Variants in CLSTN2 observed in about 807,000 individuals in gnomAD.
CLSTN2 encodes calsyntenin-2.
Under a neutral mutation model 101.2 loss-of-function variants are expected in CLSTN2, and 48 were observed. That is an observed-to-expected ratio of 0.47 (90% CI 0.38 to 0.60). The LOEUF (loss-of-function observed/expected upper bound fraction) is 0.60, where lower values mean the gene tolerates loss of function less well. CLSTN2 is among the 20% of genes least tolerant of loss of function. CLSTN2 has a pLI of 0.00. For synonymous variants in CLSTN2, 481 were observed against 463.6 expected (o/e 1.04, Z -0.48); for missense variants, 1,160 against 1,238.2 (o/e 0.94, Z 0.95).
intron 8 of CLSTN2, among the ~76,000 whole-genome samples, chr3:140,501,922 G>A (rs1247564177): frequency 6.6e-6 from 1 of 152,160 alleles, no homozygotes; most frequent in Non-Finnish European, 1.5e-5. Flanking sequence ...CTGGTTCATG[G>A]CCCACAGTTC....
chr3:139,970,238 T>C (rs1935671833), intron 1 of CLSTN2, among the ~76,000 whole-genome samples: 1 of 152,046 alleles, frequency 6.6e-6, no homozygotes, highest in African/African-American at 2.4e-5. Flanking sequence ...CCTGAGTAAG[T>C]AGGTTAAAAC....
At chr3:140,040,613 T>C (rs16849742) in intron 1 of CLSTN2, among the ~76,000 whole-genome samples, 10,692 of 151,980 alleles carry the variant, frequency 0.07, 433 homozygotes, top group East Asian at 0.16. Context: ...CTGCCCGGGG[T>C]CTGAATATTT....
chr3:140,066,439 C>T (rs2107775009), intron 1 of CLSTN2, among the ~76,000 whole-genome samples: 1 of 152,350 alleles, frequency 6.6e-6, no homozygotes, highest in African/African-American at 2.4e-5. Context: ...TAGCCAATGA[C>T]CCTGTGAAAG....
At chr3:140,449,131 C>A (rs1933175143) in intron 6 of CLSTN2, among the ~76,000 whole-genome samples, 1 of 152,196 alleles carries the variant, frequency 6.6e-6, no homozygotes, top group Admixed American at 6.5e-5. Flanking sequence ...TTGGTCTCCT[C>A]CCCAAAGCGC....
intron 2 of CLSTN2, among the ~76,000 whole-genome samples, chr3:140,261,144 C>G (rs1433338526): frequency 6.6e-6 from 1 of 151,306 alleles, no homozygotes; most frequent in Non-Finnish European, 1.5e-5. Context: ...TATACATAAC[C>G]CACACCTTCT....
intron 2 of CLSTN2, among the ~76,000 whole-genome samples, chr3:140,247,755 C>T (rs958335712): frequency 6.6e-6 from 1 of 152,130 alleles, no homozygotes; most frequent in African/African-American, 2.4e-5. Context: ...CTCACAGTCC[C>T]TCCTAGAGAA....
intron 9 of CLSTN2, among the ~76,000 whole-genome samples, chr3:140,537,601 C>T (rs773060378): frequency 9.9e-5 from 15 of 152,174 alleles, no homozygotes; most frequent in Non-Finnish European, 2.1e-4. Flanking sequence ...GAGGCAGACC[C>T]TCTCCCATGG....
At chr3:140,340,759 G>T (rs943913296) in intron 2 of CLSTN2, among the ~76,000 whole-genome samples, 26 of 152,246 alleles carry the variant, frequency 1.7e-4, no homozygotes, top group African/African-American at 6.3e-4. Context: ...TTCTGATCCA[G>T]GGCCTCATTC....
At chr3:140,103,660 T>G (rs2009004898) in intron 1 of CLSTN2, among the ~76,000 whole-genome samples, 1 of 152,210 alleles carries the variant, frequency 6.6e-6, no homozygotes, top group African/African-American at 2.4e-5. Context: ...CAGCCATGTC[T>G]AGACTGTCAA....
At chr3:140,482,515 T>C (rs1328517509) in intron 8 of CLSTN2, among the ~76,000 whole-genome samples, 9 of 152,228 alleles carry the variant, frequency 5.9e-5, no homozygotes, top group Admixed American at 3.9e-4. Flanking sequence ...TCAGAAGGAA[T>C]GGTACCAGCT....
chr3:139,991,002 CTATTTAAAGAAA>C (rs1484711965), intron 1 of CLSTN2, among the ~76,000 whole-genome samples: 4 of 152,068 alleles, frequency 2.6e-5, no homozygotes, highest in African/African-American at 9.7e-5. Context: ...CAAAGTGAGT[CTATTTAAAGAAA>C]TATTTAAAGT....
chr3:140,479,197 G>A (rs927289204), intron 8 of CLSTN2, among the ~76,000 whole-genome samples: 9 of 152,136 alleles, frequency 5.9e-5, no homozygotes, highest in African/African-American at 2.2e-4. Flanking sequence ...CCTCCAAGAA[G>A]GGCTAGGTAA....
intron 2 of CLSTN2, among the ~76,000 whole-genome samples, chr3:140,324,741 T>C (rs980886528): frequency 2.6e-5 from 4 of 152,230 alleles, no homozygotes; most frequent in Non-Finnish European, 5.9e-5. Context: ...TCCAAATCAA[T>C]GTGAAGAAGC....
intron 5 of CLSTN2, among the ~76,000 whole-genome samples, chr3:140,435,477 A>G (rs1467990090): frequency 6.6e-6 from 1 of 152,216 alleles, no homozygotes; most frequent in African/African-American, 2.4e-5. Flanking sequence ...GTTAATGGAC[A>G]CTTAGGTTAC....
intron 8 of CLSTN2, among the ~76,000 whole-genome samples, chr3:140,529,919 T>A (rs1935219544): frequency 6.6e-6 from 1 of 152,226 alleles, no homozygotes; most frequent in African/African-American, 2.4e-5. Context: ...TTATTTATTT[T>A]TTATTACTCA....
intron 2 of CLSTN2, among the ~76,000 whole-genome samples, chr3:140,246,552 A>G (rs1051915802): frequency 2.6e-5 from 4 of 152,226 alleles, no homozygotes; most frequent in African/African-American, 9.6e-5. Context: ...CACAATGGGC[A>G]TGATACTGAT....
chr3:140,399,355 A>G (rs1013856582), intron 2 of CLSTN2, among the ~76,000 whole-genome samples: 2 of 152,240 alleles, frequency 1.3e-5, no homozygotes, highest in Non-Finnish European at 2.9e-5. Context: ...TGTGTCTTAC[A>G]CTGACACTGA....
At chr3:140,421,083 T>A (rs1188139194) in intron 4 of CLSTN2, 42 bp from the exon 5 acceptor site, 46 of 1,598,606 alleles carry the variant, frequency 2.9e-5, no homozygotes, top group Non-Finnish European at 3.8e-5. Context: ...ACAAGTGCAG[T>A]TAAATTGACC....
At chr3:140,345,304 A>T (rs1025360588) in intron 2 of CLSTN2, among the ~76,000 whole-genome samples, 2 of 147,300 alleles carry the variant, frequency 1.4e-5, no homozygotes, top group African/African-American at 5.1e-5. Context: ...GCTGCAGTGC[A>T]ATGGCGTGAT....
Sources: allele counts gnomAD v4.1 joint callset (sites outside exome capture counted in the v4.1 genomes callset), GRCh38; gene constraint gnomAD v4.1.1; transcripts MANE v1.5; gene names NCBI Gene and HGNC (gene_info 2026-07-23, HGNC 2026-07-21).